The following GRB2 variants were observed in gnomAD, a reference collection of about 807,000 sequenced individuals.
The protein encoded by GRB2 is growth factor receptor bound protein 2, also known as growth factor receptor-bound protein 2.
GRB2 carries 2 observed loss-of-function variants against 27.4 expected under a neutral mutation model. The observed-to-expected ratio is 0.07, with a 90% CI of 0.03 to 0.23. The LOEUF (loss-of-function observed/expected upper bound fraction) is 0.23. Among genes scored for constraint, GRB2 ranks in the 10% least tolerant of loss-of-function variants. GRB2 has a pLI of 1.00. For missense variants in GRB2, 102 were observed against 282.4 expected (o/e 0.36, Z 4.58); for synonymous variants, 94 against 99.6 (o/e 0.94, Z 0.33).
chr17:75,378,038 A>G (rs886308090), intron 2 of GRB2, among the ~76,000 whole-genome samples: 28 of 151,856 alleles, frequency 1.8e-4, no homozygotes, highest in Non-Finnish European at 3.1e-4. Context: ...CTTCCAATAA[A>G]CCTTTATGAA....
chr17:75,404,049 T>G (rs953137033), intron 1 of GRB2, among the ~76,000 whole-genome samples: 1 of 148,578 alleles, frequency 6.7e-6, no homozygotes, highest in African/African-American at 2.5e-5. Flanking sequence ...GGAGGCAGAG[T>G]TGCAGTGAGC....
At chr17:75,363,098 T>G (rs577110032) in intron 2 of GRB2, among the ~76,000 whole-genome samples, 23 of 152,292 alleles carry the variant, frequency 1.5e-4, no homozygotes, top group African/African-American at 5.3e-4. Context: ...TCATAATCTA[T>G]TCCTGTCACA....
intron 2 of GRB2, among the ~76,000 whole-genome samples, chr17:75,390,566 TA>T (rs2078991994): frequency 6.6e-6 from 1 of 152,242 alleles, no homozygotes; most frequent in African/African-American, 2.4e-5. Context: ...CAAGCTTTTA[TA>T]AGAGAGAGAA....
rs780920463 is a variant in GRB2 at position 75,370,015 on chromosome 17, T to C, written c.78+23536A>G. On this transcript the variant is annotated intron_variant, in intron 2 of 5. Transcript: ENST00000316804. ...TTACTCAAAACATGGACCATCACAGTACTAAGAGACAGGGACACTCAATGA... is the reference window on the plus strand; with the variant it reads ...TTACTCAAAACATGGACCATCACAGCACTAAGAGACAGGGACACTCAATGA... Among the ~76,000 whole-genome samples, 127 of 152,216 alleles carry C rather than the reference T, an allele frequency of 8.3e-4. 1 individual carries two copies. The highest frequency in any genetic ancestry group is 9.0e-4 in the Non-Finnish European group (61 of 68,034).
rs147473736 is a variant in GRB2, at chr17:75,386,693, A to G, written c.78+6858T>C. 5.4e-3 allele frequency among the ~76,000 whole-genome samples: 816 copies of G among 152,280 alleles called. 5 individuals are homozygous for G. The highest frequency in any genetic ancestry group is 0.019 in the African/African-American group (774 of 41,558). ...AGCTGAACAAAGCAAGACTACTGAT[A>G]CCCTAACATTTCTGGTCTACTCATA... On this transcript the variant is annotated intron_variant, in intron 2 of 5. Transcript: ENST00000316804.
At chr17:75,332,570 A>G in intron 3 of GRB2, 130 bp downstream of exon 3, 1 of 636,746 alleles carries the variant, frequency 1.6e-6, no homozygotes, top group African/African-American at 1.9e-5. Flanking sequence ...CACAATCAAT[A>G]TCCTTTGTTA....
chr17:75,325,537 T>C (rs977967099), intron 4 of GRB2, among the ~76,000 whole-genome samples: 3 of 152,206 alleles, frequency 2.0e-5, no homozygotes, highest in Non-Finnish European at 4.4e-5. Flanking sequence ...TCAGTGGACC[T>C]GAGCAAGGCA....
chr17:75,320,793 G>A lies in GRB2; in HGVS notation c.469-240C>T, dbSNP rs973239139. Reference sequence around the variant, plus strand: ...TATTAGAGTATGTCTCCCAGAGGAGGGTGGCCAACTGTGCCGTATTATCAA... The same window carrying A: ...TATTAGAGTATGTCTCCCAGAGGAGAGTGGCCAACTGTGCCGTATTATCAA... On this transcript the variant is annotated intron_variant, in intron 5 of 5. Transcript: ENST00000316804. This position sits in a 1 kb window ranked among gnomAD's most constrained non-coding sequence, Gnocchi z 4.3. Among the ~76,000 whole-genome samples, 10 of 152,242 alleles carry A rather than the reference G, an allele frequency of 6.6e-5. No individual in the cohort carries two copies. The highest frequency in any genetic ancestry group is 2.4e-4 in the African/African-American group (10 of 41,540).
At chr17:75,376,208 C>G (rs536968100) in intron 2 of GRB2, among the ~76,000 whole-genome samples, 7 of 145,254 alleles carry the variant, frequency 4.8e-5, no homozygotes, top group Admixed American at 7.0e-5. Flanking sequence ...CCAGGCGTGT[C>G]GGCATGCGCC....
At chr17:75,341,621 G>A (rs1273378785) in intron 2 of GRB2, among the ~76,000 whole-genome samples, 1 of 151,860 alleles carries the variant, frequency 6.6e-6, no homozygotes, top group Admixed American at 6.6e-5. Context: ...CAGGGAGGAG[G>A]ACAAAGTCCC....
intron 2 of GRB2, among the ~76,000 whole-genome samples, chr17:75,376,689 A>C (rs2078896191): frequency 1.3e-5 from 2 of 152,174 alleles, no homozygotes; most frequent in Admixed American, 1.3e-4. Context: ...TCCTTCTTTT[A>C]AACTTTCCTA....
chr17:75,327,805 G>C (rs2078510040), intron 3 of GRB2, among the ~76,000 whole-genome samples: 3 of 152,064 alleles, frequency 2.0e-5, no homozygotes, highest in South Asian at 4.1e-4. Context: ...CTTTGTCCTT[G>C]TGTGTGTGTG....
rs748019013 is a variant in GRB2 at position 75,337,428 on chromosome 17, CAAAT to C, written c.79-4635_79-4632del. On this transcript the variant is annotated intron_variant, in intron 2 of 5. Transcript: ENST00000316804. Reference sequence around the variant, plus strand: ...AAAGAAAACAAAACAGCAAAGAACACAAATGAATGTTGAAGAGCTCGAGGTGGCA... The same window carrying C: ...AAAGAAAACAAAACAGCAAAGAACACGAATGTTGAAGAGCTCGAGGTGGCA... Among the ~76,000 whole-genome samples the C allele has an allele frequency of 2.7e-3, 406 of 151,578 alleles. 1 individual carries two copies. Among genetic ancestry groups the C allele is most frequent in the Non-Finnish European group, 4.5e-3 (305 of 67,850 alleles).
intron 2 of GRB2, among the ~76,000 whole-genome samples, chr17:75,374,952 G>T (rs1268588333): frequency 6.6e-6 from 1 of 152,150 alleles, no homozygotes; most frequent in South Asian, 2.1e-4. Context: ...TTATAGTACA[G>T]TAGCGAGATC....
At chr17:75,331,553 C>G (rs944011439) in intron 3 of GRB2, among the ~76,000 whole-genome samples, 2 of 152,208 alleles carry the variant, frequency 1.3e-5, no homozygotes, top group African/African-American at 4.8e-5. Flanking sequence ...GTTGAATTCC[C>G]TTTCAATCTG....
At chr17:75,362,928 G>A (rs1301977897) in intron 2 of GRB2, among the ~76,000 whole-genome samples, 1 of 152,210 alleles carries the variant, frequency 6.6e-6, no homozygotes, top group Non-Finnish European at 1.5e-5. Context: ...GTAGAGGAAG[G>A]AAGAGGGCTA....
intron 1 of GRB2, among the ~76,000 whole-genome samples, chr17:75,394,530 A>G (rs982079843): frequency 1.3e-5 from 2 of 151,966 alleles, no homozygotes; most frequent in African/African-American, 4.8e-5. Flanking sequence ...GATCCCCAAG[A>G]CTCTGGGGTC....
intron 2 of GRB2, among the ~76,000 whole-genome samples, chr17:75,347,907 T>C (rs754410019): frequency 5.9e-5 from 9 of 152,222 alleles, no homozygotes; most frequent in Admixed American, 2.6e-4. Flanking sequence ...CAGTTGTATA[T>C]GTCTTTTGGA....
At chr17:75,322,100 G>A (rs2078464195) in intron 4 of GRB2, among the ~76,000 whole-genome samples, 1 of 152,156 alleles carries the variant, frequency 6.6e-6, no homozygotes, top group Non-Finnish European at 1.5e-5. Context: ...CAGGCCGGGT[G>A]CGGTGGCTCA....
Sources: allele counts gnomAD v4.1 joint callset (sites outside exome capture counted in the v4.1 genomes callset), GRCh38; gene constraint gnomAD v4.1.1; non-coding constraint Gnocchi (gnomAD v3.1); transcripts MANE v1.5; gene names NCBI Gene and HGNC (gene_info 2026-07-23, HGNC 2026-07-21).